CLASP1: variants seen among roughly 807,000 people sequenced by gnomAD.
CLASP1 encodes the protein CLIP-associating protein 1.
In CLASP1, 38 loss-of-function variants were observed where a neutral mutation model predicts 192.3. The observed-to-expected ratio is 0.20, with a 90% CI of 0.15 to 0.26. The LOEUF is 0.26. Ranked by LOEUF, CLASP1 falls within the 10% of genes least tolerant of loss-of-function variation. CLASP1 has a pLI of 1.00. For missense variants in CLASP1, 1,433 were observed against 1,932.5 expected, an observed-to-expected ratio of 0.74 and a Z score of 4.85; for synonymous variants, 691 against 712.8, an observed-to-expected ratio of 0.97 and a Z score of 0.49.
chr2:121,402,089 C>T (rs2076229266), intron 26 of CLASP1, among the ~76,000 whole-genome samples: 1 of 151,756 alleles, frequency 6.6e-6, no homozygotes, highest in African/African-American at 2.4e-5. Context: ...CTTTCTTAAA[C>T]AACAACAAAT....
chr2:121,582,876 C>T (rs2061358156), intron 2 of CLASP1, among the ~76,000 whole-genome samples: 1 of 151,768 alleles, frequency 6.6e-6, no homozygotes, highest in Admixed American at 6.6e-5. Context: ...CCTCTGCCTC[C>T]CAGGTTCAAA....
chr2:121,552,678 G>T (rs1359705783), intron 2 of CLASP1, among the ~76,000 whole-genome samples: 1 of 152,140 alleles, frequency 6.6e-6, no homozygotes, highest in Admixed American at 6.5e-5. Context: ...CTATTAAAAA[G>T]TCAAAAAGTA....
chr2:121,450,197 G>A (rs2085163540), intron 16 of CLASP1, among the ~76,000 whole-genome samples: 1 of 152,028 alleles, frequency 6.6e-6, no homozygotes, highest in Non-Finnish European at 1.5e-5. Context: ...CAGGCGTGAG[G>A]GCAGGCGCCT....
intron 7 of CLASP1, among the ~76,000 whole-genome samples, chr2:121,508,348 G>A (rs6704587): frequency 0.2 from 30,883 of 151,986 alleles, 5,856 homozygotes; most frequent in African/African-American, 0.5. Context: ...GAGCAACTGC[G>A]AATAATTCCC....
At chr2:121,367,756 C>T (rs767022894) in exon 35 of CLASP1, 1 of 1,613,962 alleles carries the variant, frequency 6.2e-7, no homozygotes. Flanking sequence ...TTATCCAGAG[C>T]TGTCCGGCCT....
intron 37 of CLASP1, among the ~76,000 whole-genome samples, chr2:121,353,489 G>A (rs2064870885): frequency 6.6e-6 from 1 of 152,156 alleles, no homozygotes; most frequent in African/African-American, 2.4e-5. Flanking sequence ...CTGCCTGTGT[G>A]GTGCTTCCTC....
chr2:121,379,216 A>C (rs1220307150), intron 33 of CLASP1, among the ~76,000 whole-genome samples: 2 of 135,604 alleles, frequency 1.5e-5, no homozygotes, highest in Non-Finnish European at 3.1e-5. Flanking sequence ...GAGAGTTCAC[A>C]AAAAAAAAAA....
intron 1 of CLASP1, among the ~76,000 whole-genome samples, chr2:121,622,396 C>A (rs1053080640): frequency 6.6e-6 from 1 of 151,278 alleles, no homozygotes; most frequent in Non-Finnish European, 1.5e-5. Flanking sequence ...CATGGAGAAA[C>A]CTAGTCTCTA....
At chr2:121,366,058 T>A (rs1051727636) in intron 35 of CLASP1, among the ~76,000 whole-genome samples, 1 of 152,210 alleles carries the variant, frequency 6.6e-6, no homozygotes, top group Admixed American at 6.5e-5. Flanking sequence ...GCATACTTCT[T>A]TAGCTTCTAA....
intron 2 of CLASP1, chr2:121,532,746 G>A (rs2094929037): frequency 6.6e-6 from 1 of 152,030 alleles, no homozygotes; most frequent in Non-Finnish European, 1.5e-5. Context: ...TCCTTAGGTA[G>A]AAACTAAGGA....
At chr2:121,431,047 A>G (rs564095096) in intron 19 of CLASP1, among the ~76,000 whole-genome samples, 218 of 152,130 alleles carry the variant, frequency 1.4e-3, no homozygotes, top group South Asian at 4.1e-3. Context: ...TAACTCAATG[A>G]GGATAGGAAA....
intron 2 of CLASP1, among the ~76,000 whole-genome samples, chr2:121,575,795 T>C (rs982508643): frequency 2.6e-5 from 4 of 152,144 alleles, no homozygotes; most frequent in Admixed American, 2.0e-4. Flanking sequence ...AAGATAACAT[T>C]ACTTAAGTGG....
chr2:121,518,534 G>A (rs1404813151), intron 6 of CLASP1, among the ~76,000 whole-genome samples: 1 of 152,078 alleles, frequency 6.6e-6, no homozygotes, highest in Non-Finnish European at 1.5e-5. Flanking sequence ...AGTTTATTTT[G>A]AGGGAAAAAA....
At chr2:121,428,316 AT>A (rs996966385) in intron 20 of CLASP1, among the ~76,000 whole-genome samples, 1 of 152,248 alleles carries the variant, frequency 6.6e-6, no homozygotes, top group Non-Finnish European at 1.5e-5. Flanking sequence ...GATAAACAGC[AT>A]TAGAAAGAAA....
intron 37 of CLASP1, among the ~76,000 whole-genome samples, chr2:121,357,107 A>C (rs1341950226): frequency 6.6e-6 from 1 of 152,188 alleles, no homozygotes; most frequent in Non-Finnish European, 1.5e-5. Context: ...TGTACCGGCT[A>C]CCCCAGCACA....
At chr2:121,478,959 C>CAACCACACACAT (rs1559369835) in intron 8 of CLASP1, among the ~76,000 whole-genome samples, 1,956 of 59,792 alleles carry the variant, frequency 0.033, 39 homozygotes, top group East Asian at 0.087. Flanking sequence ...ACCACACACA[C>CAACCACACACAT]ACACCACACA....
chr2:121,649,281 C>T (rs2073771696), intron 1 of CLASP1, 91 bp downstream of exon 1: 1 of 152,270 alleles, frequency 6.6e-6, no homozygotes, highest in Non-Finnish European at 1.5e-5. Context: ...ACATCGCCCC[C>T]ACCCAGACCC....
rs80047862 is a variant in CLASP1 at position 121,531,112 on chromosome 2, T to A, written c.196-787A>T. The A allele has an allele frequency of 4.7e-6, 3 of 637,798 alleles. No individual in the cohort carries two copies. In the South Asian group the frequency reaches 5.0e-5, roughly 11 times the overall value. The allele number at this position is 637,798 out of a possible 1,614,324, so 39.5% of individuals were successfully genotyped here. The stretch of plus-strand genomic sequence containing the variant: ...TAGAGGGTGCACAAGACGCGTGGTT[T>A]TAGTGTCGCAAGTAAAGTTCTTTCA... On this transcript the variant is annotated intron_variant, in intron 2 of 39. Transcript: ENST00000263710.
intron 1 of CLASP1, among the ~76,000 whole-genome samples, chr2:121,630,006 C>T (rs908853899): frequency 6.6e-6 from 1 of 151,888 alleles, no homozygotes; most frequent in Non-Finnish European, 1.5e-5. Flanking sequence ...CTGCAACCTT[C>T]GCCTCCCAGG....
Sources: allele counts gnomAD v4.1 joint callset (sites outside exome capture counted in the v4.1 genomes callset), GRCh38; gene constraint gnomAD v4.1.1; transcripts MANE v1.5; gene names NCBI Gene and HGNC (gene_info 2026-07-23, HGNC 2026-07-21).